Variants in SPTBN1 observed in about 807,000 individuals in gnomAD.
SPTBN1 encodes spectrin beta, non-erythrocytic 1.
Under a neutral mutation model 266.4 loss-of-function variants are expected in SPTBN1, and 32 were observed. The ratio of observed to expected loss-of-function variants is 0.12; its 90% CI spans 0.09 to 0.16. SPTBN1 has a LOEUF of 0.16. Ranked by LOEUF, SPTBN1 falls within the 10% of genes least tolerant of loss-of-function variation. SPTBN1 has a pLI of 1.00. For missense variants in SPTBN1, 2,296 were observed against 3,067.1 expected (o/e 0.75, Z 5.94); for synonymous variants, 1,336 against 1,162.2 (o/e 1.15, Z -3.04).
intron 1 of SPTBN1, among the ~76,000 whole-genome samples, chr2:54,471,917 G>A (rs1284303357): frequency 7.3e-6 from 1 of 136,412 alleles, no homozygotes; most frequent in African/African-American, 2.9e-5. Context: ...CTAATTATTA[G>A]CACATTATCT....
At chr2:54,501,918 T>C (rs1669291574) in intron 1 of SPTBN1, among the ~76,000 whole-genome samples, 1 of 152,188 alleles carries the variant, frequency 6.6e-6, no homozygotes. Flanking sequence ...TTGGTAAGTA[T>C]TTGCAGCTCC....
At chr2:54,615,465 G>A (rs1558430607) in intron 4 of SPTBN1, among the ~76,000 whole-genome samples, 1 of 152,208 alleles carries the variant, frequency 6.6e-6, no homozygotes, top group Non-Finnish European at 1.5e-5. Flanking sequence ...TTACGTAGCT[G>A]GCAGTTGGCG....
intron 2 of SPTBN1, among the ~76,000 whole-genome samples, chr2:54,581,783 G>A (rs1280704475): frequency 6.6e-6 from 1 of 151,916 alleles, no homozygotes; most frequent in Non-Finnish European, 1.5e-5. Flanking sequence ...TTAATCCTAA[G>A]CATCTGTCTG....
intron 1 of SPTBN1, among the ~76,000 whole-genome samples, chr2:54,499,200 C>T (rs1307312226): frequency 6.6e-6 from 1 of 152,080 alleles, no homozygotes; most frequent in Non-Finnish European, 1.5e-5. Flanking sequence ...TCAATAGTGG[C>T]AATATTAGTA....
At chr2:54,530,353 C>CTTTTT (rs549491367) in intron 2 of SPTBN1, among the ~76,000 whole-genome samples, 8,080 of 73,518 alleles carry the variant, frequency 0.11, 1,933 homozygotes, top group Non-Finnish European at 0.15. Context: ...TTGTAAAAAA[C>CTTTTT]TTTTTTTTTT....
At position 54,629,108 on chromosome 2, in the gene SPTBN1, G is replaced by A; in HGVS notation, c.1974G>A (p.Glu658=). 6.2e-7 allele frequency: 1 copy of A among 1,613,738 alleles called. No individual in the cohort carries two copies. The highest frequency in any genetic ancestry group is 2.2e-5 in the East Asian group (1 of 44,890). The change falls in exon 14 of 36, where the codon GAG becomes GAA. Residue 658 remains glutamate (E), a synonymous_variant. Transcript: ENST00000356805. The part of the protein sequence containing the change: ...AEEEGWIREK[E]KILSSDDYGK... ...AGGAAGGCTGGATACGGGAGAAGGA[G>A]AAGATCCTGTCCTCGGACGATTACG...
At chr2:54,461,108 C>T (rs1394610597) in intron 1 of SPTBN1, among the ~76,000 whole-genome samples, 5 of 152,190 alleles carry the variant, frequency 3.3e-5, no homozygotes, top group South Asian at 2.1e-4. Context: ...TCTGAAACAA[C>T]CCATATCCTT....
intron 1 of SPTBN1, among the ~76,000 whole-genome samples, chr2:54,486,823 T>G (rs1351228222): frequency 6.6e-6 from 1 of 151,898 alleles, no homozygotes; most frequent in East Asian, 1.9e-4. Flanking sequence ...GATTTTGATG[T>G]TGATTTAGAA....
Position 54,666,005 on chromosome 2 carries a change from C to CA in SPTBN1, c.6751dup (p.Ser2251LysfsTer17). The CA allele has an allele frequency of 6.2e-7, 1 of 1,614,162 alleles. No individual in the cohort carries two copies. Among genetic ancestry groups the CA allele is most frequent in the Non-Finnish European group, 8.5e-7 (1 of 1,180,038 alleles). ...CTGCTGCTTCTGGAATTCCCTACCA[C>CA]AGCGAGGTCCCTGTGAGTTTGAAAG... On this transcript the variant is annotated frameshift_variant, in exon 34 of 36. Transcript: ENST00000356805. LOFTEE classifies it high-confidence loss of function.
At chr2:54,591,456 A>C (rs1047656151) in intron 2 of SPTBN1, among the ~76,000 whole-genome samples, 3 of 152,260 alleles carry the variant, frequency 2.0e-5, no homozygotes, top group Non-Finnish European at 4.4e-5. Flanking sequence ...CCATTATCTT[A>C]GCACAATTGA....
Position 54,526,488 on chromosome 2 carries a change from C to A in SPTBN1, c.70C>A (p.Arg24Ser), listed in dbSNP as rs1020765425. 1.1e-5 allele frequency: 17 copies of A among 1,614,042 alleles called. No homozygotes were observed. The highest frequency in any genetic ancestry group is 2.5e-6 in the Non-Finnish European group (3 of 1,180,042). Residue 24 changes from arginine (R) to serine (S), a missense_variant, in exon 2 of 36, where the codon CGC (arginine) becomes AGC (serine). By Grantham distance (110) the Arg-to-Ser change is moderately radical. This residue lies in a region of SPTBN1 where 178 missense variants were observed against 375.7 expected (regional missense o/e 0.47). Coordinates refer to ENST00000356805, the MANE Select transcript of SPTBN1 (RefSeq NM_003128.3). ...IQQQYSDVNN[R>S]WDVDDWDNEN... Reference sequence around the variant, plus strand: ...GCAGCAGTACAGTGATGTCAACAACCGCTGGGATGTCGACGACTGGGACAA... The same window carrying A: ...GCAGCAGTACAGTGATGTCAACAACAGCTGGGATGTCGACGACTGGGACAA...
At chr2:54,511,489 G>A (rs1371445619) in intron 1 of SPTBN1, among the ~76,000 whole-genome samples, 5 of 152,094 alleles carry the variant, frequency 3.3e-5, no homozygotes, top group East Asian at 1.9e-4. Flanking sequence ...TTCCACTGAC[G>A]GGTTGTGGGG....
chr2:54,473,766 A>C (rs769122091), intron 1 of SPTBN1, among the ~76,000 whole-genome samples: 36 of 152,198 alleles, frequency 2.4e-4, no homozygotes, highest in Non-Finnish European at 4.3e-4. Flanking sequence ...TAAATACTCA[A>C]ATGTTCCTTT....
Position 54,668,444 on chromosome 2 carries a change from A to G in SPTBN1, c.6970A>G (p.Ser2324Gly). The change falls in exon 36 of 36, where the codon AGC becomes GGC. Residue 2324 changes from serine to glycine, a missense_variant. Physicochemically the swap from Ser to Gly is moderately conservative, Grantham distance 56 (BLOSUM62 0). This residue lies in a region of SPTBN1 where 347 missense variants were observed against 368.5 expected (regional missense o/e 0.94). Coordinates refer to ENST00000356805, the MANE Select transcript of SPTBN1 (RefSeq NM_003128.3). ...CAGCACCCAGAGCACGCCAGCATCC[A>G]GCCGCGCGCAGACCCTCCCCACCAG... The part of the protein sequence containing the change: ...SASTQSTPAS[S>G]RAQTLPTSVV... 6.2e-7 allele frequency: 1 copy of G among 1,614,218 alleles called. No homozygotes were observed. The highest frequency in any genetic ancestry group is 8.5e-7 in the Non-Finnish European group (1 of 1,180,038).
intron 2 of SPTBN1, among the ~76,000 whole-genome samples, chr2:54,530,780 A>G (rs560493055): frequency 3.9e-5 from 6 of 152,364 alleles, no homozygotes; most frequent in African/African-American, 9.6e-5. Flanking sequence ...GGTTCCTGGC[A>G]TAGAGCTCCT....
chr2:54,622,277 A>T (rs371472710), intron 8 of SPTBN1, 23 bp from the exon 9 acceptor site: 1 of 1,610,960 alleles, frequency 6.2e-7, no homozygotes, highest in Admixed American at 1.7e-5. Flanking sequence ...GATCTTTTCA[A>T]TTTTTCTATC....
At chr2:54,481,221 A>G (rs1462102063) in intron 1 of SPTBN1, among the ~76,000 whole-genome samples, 2 of 151,672 alleles carry the variant, frequency 1.3e-5, no homozygotes, top group Non-Finnish European at 2.9e-5. Context: ...ACCTTCAGAT[A>G]CTCTTCCCAT....
intron 15 of SPTBN1, among the ~76,000 whole-genome samples, chr2:54,630,457 G>A (rs1678654790): frequency 6.6e-6 from 1 of 152,240 alleles, no homozygotes. Context: ...GAGTAAACAT[G>A]TTTGAGTAGG....
chr2:54,617,329 T>C (rs1677673514), intron 5 of SPTBN1, among the ~76,000 whole-genome samples: 1 of 152,216 alleles, frequency 6.6e-6, no homozygotes, highest in African/African-American at 2.4e-5. Flanking sequence ...CGTCACTTTT[T>C]CCTAAGTAAG....
Sources: gnomAD v4.1 joint callset for allele counts (sites outside exome capture counted in the v4.1 genomes callset) on GRCh38, gnomAD v4.1.1 for gene constraint, gnomAD v4.1.1 regional missense constraint, MANE v1.5 for transcripts, NCBI Gene and HGNC (gene_info 2026-07-23, HGNC 2026-07-21) for gene names.